The following CUL2 variants were observed in gnomAD, a reference collection of about 807,000 sequenced individuals.
CUL2 encodes cullin 2, also known as cullin-2.
Under a neutral mutation model 110.2 loss-of-function variants are expected in CUL2, and 22 were observed. The observed-to-expected ratio is 0.20, with a 90% CI of 0.14 to 0.28. CUL2 has a LOEUF of 0.28. Ranked by LOEUF, CUL2 falls within the 10% of genes least tolerant of loss-of-function variation. The pLI is 1.00. For synonymous variants in CUL2, 279 were observed against 293.2 expected (o/e 0.95, Z 0.49); for missense variants, 631 against 905.5 (o/e 0.70, Z 3.89).
At chr10:35,059,218 C>G (rs1417810309) in intron 4 of CUL2, among the ~76,000 whole-genome samples, 1 of 152,188 alleles carries the variant, frequency 6.6e-6, no homozygotes, top group Non-Finnish European at 1.5e-5. Flanking sequence ...ACTCCAATTT[C>G]GTAAGAATTT....
intron 8 of CUL2, 23 bp downstream of exon 8, chr10:35,044,543 A>G (rs748280473): frequency 7.3e-7 from 1 of 1,362,506 alleles, no homozygotes; most frequent in East Asian, 2.3e-5. Context: ...AGATAAATGT[A>G]TTCGATATGT....
chr10:35,017,028 A>T (rs1404510149), intron 17 of CUL2, among the ~76,000 whole-genome samples: 1 of 151,916 alleles, frequency 6.6e-6, no homozygotes, highest in Non-Finnish European at 1.5e-5. Flanking sequence ...CAATAAAAGG[A>T]GGTGGGAGAA....
chr10:35,106,026 T>C (rs2087450946), intron 1 of CUL2, among the ~76,000 whole-genome samples: 2 of 152,140 alleles, frequency 1.3e-5, no homozygotes, highest in African/African-American at 4.8e-5. Flanking sequence ...GTAGGTGCTA[T>C]AGAAAAAATG....
intron 2 of CUL2, among the ~76,000 whole-genome samples, chr10:35,066,480 A>G (rs2134959500): frequency 6.6e-6 from 1 of 150,584 alleles, no homozygotes; most frequent in Non-Finnish European, 1.5e-5. Flanking sequence ...TTGTATTTTT[A>G]GTAAAGATGG....
intron 6 of CUL2, among the ~76,000 whole-genome samples, chr10:35,045,896 TTAA>T (rs925514748): frequency 1.1e-4 from 17 of 152,312 alleles, no homozygotes; most frequent in African/African-American, 3.4e-4. Flanking sequence ...CTTCTTTGCA[TTAA>T]TAATGTCACA....
chr10:35,032,566 T>C (rs1451359536), intron 11 of CUL2, 72 bp from the exon 12 acceptor site: 4 of 1,189,902 alleles, frequency 3.4e-6, no homozygotes, highest in Admixed American at 2.6e-5. Flanking sequence ...ATATAAGCCA[T>C]AATCTGTACA....
At chr10:35,015,696 T>A (rs1311826218) in intron 18 of CUL2, among the ~76,000 whole-genome samples, 1 of 152,190 alleles carries the variant, frequency 6.6e-6, no homozygotes, top group Non-Finnish European at 1.5e-5. Context: ...GTTATTCTTG[T>A]GACAGATATT....
intron 1 of CUL2, among the ~76,000 whole-genome samples, chr10:35,075,188 A>G (rs1431914593): frequency 6.6e-6 from 1 of 152,222 alleles, no homozygotes; most frequent in Non-Finnish European, 1.5e-5. Flanking sequence ...TGCAAGAAGC[A>G]CCAGCCTCGT....
At chr10:35,114,629 C>T (rs2135135933) in intron 1 of CUL2, among the ~76,000 whole-genome samples, 1 of 152,170 alleles carries the variant, frequency 6.6e-6, no homozygotes, top group African/African-American at 2.4e-5. Flanking sequence ...GATCTGTCCG[C>T]CTCGGCCTCC....
chr10:35,014,621 T>C (rs1410459288), intron 18 of CUL2, among the ~76,000 whole-genome samples: 2 of 151,848 alleles, frequency 1.3e-5, no homozygotes, highest in African/African-American at 4.8e-5. Flanking sequence ...TTACTTGAGC[T>C]CAGGAGTTTG....
At chr10:35,082,353 A>G (rs1188394570) in intron 1 of CUL2, among the ~76,000 whole-genome samples, 3 of 152,252 alleles carry the variant, frequency 2.0e-5, no homozygotes, top group Non-Finnish European at 2.9e-5. Context: ...GGGCAAATTC[A>G]TAAAGACAGA....
intron 17 of CUL2, among the ~76,000 whole-genome samples, chr10:35,021,390 T>C (rs1038051865): frequency 6.6e-6 from 1 of 151,920 alleles, no homozygotes; most frequent in Non-Finnish European, 1.5e-5. Context: ...TCTTATTTTC[T>C]GCACACTGCT....
chr10:35,062,401 G>T (rs2134930505), intron 3 of CUL2, among the ~76,000 whole-genome samples: 1 of 152,216 alleles, frequency 6.6e-6, no homozygotes, highest in Non-Finnish European at 1.5e-5. Context: ...GGGAAAATTT[G>T]GCTGTATAAA....
In CUL2 at chr10:35,113,534, C is replaced by T. The variant is rs568082271; in HGVS notation, c.-50-12474G>A. 1.4e-4 allele frequency among the ~76,000 whole-genome samples: 19 copies of T among 131,846 alleles called. No homozygotes were observed. The South Asian group carries it at 2.8e-3, about 19-fold the overall frequency. The allele number at this position is 131,846 out of a possible 152,430, so 86.5% of individuals were successfully genotyped here. Reference sequence around the variant, plus strand: ...AAAAAAAAAAAAAAAAAAAAAATTCCGCAAGATCCAGTAACTAGCAATGTG... The same window carrying T: ...AAAAAAAAAAAAAAAAAAAAAATTCTGCAAGATCCAGTAACTAGCAATGTG... On this transcript the variant is annotated intron_variant, in intron 1 of 5. Transcript: ENST00000685421.
rs189797283 is a variant in CUL2 at position 35,075,726 on chromosome 10, T to C, written c.-22-4387A>G. 2.0e-5 allele frequency among the ~76,000 whole-genome samples: 3 copies of C among 152,214 alleles called. No homozygotes were observed. In the East Asian group the frequency reaches 5.8e-4, roughly 29 times the overall value. On this transcript the variant is annotated intron_variant, in intron 1 of 20. Transcript: ENST00000374749. ...AAAAATTGCAAAATAAAAATTTATA[T>C]TTAATTACCTGTTTCCAGAAAACAT...
Position 35,029,641 on chromosome 10 carries a change from C to A in CUL2, c.1387-1G>T, listed in dbSNP as rs2085432450. The A allele has an allele frequency of 6.4e-7, 1 of 1,574,350 alleles. No individual in the cohort carries two copies. The highest frequency in any genetic ancestry group is 1.4e-5 in the African/African-American group (1 of 72,212). On this transcript the variant is annotated splice_acceptor_variant, in intron 14 of 20. Coordinates refer to ENST00000374749, the MANE Select transcript of CUL2 (RefSeq NM_003591.4). LOFTEE classifies it high-confidence loss of function. The stretch of plus-strand genomic sequence containing the variant: ...TGGTAAACTCATAACCACAGGCTTG[C>A]TATAAAAAAGTTTTAGAAAATACAT...
intron 16 of CUL2, among the ~76,000 whole-genome samples, chr10:35,025,857 A>G (rs916920922): frequency 6.6e-5 from 10 of 152,234 alleles, no homozygotes; most frequent in Admixed American, 5.9e-4. Context: ...TAAAAACTCA[A>G]TTTCTTTATA....
In CUL2 at chr10:35,103,290, C is replaced by T. The variant is rs140086156; in HGVS notation, c.-50-2230G>A. 7.1e-3 allele frequency among the ~76,000 whole-genome samples: 1,056 copies of T among 148,522 alleles called. 24 individuals carry two copies. The East Asian group carries it at 0.086, about 12-fold the overall frequency. On this transcript the variant is annotated intron_variant, in intron 1 of 5. Coordinates refer to the CUL2 transcript ENST00000685421. ...CCTGAGTAGCTGGGACACAGGCGCCCGCCACCAGGCCAAGCTAATTTTTTT... is the reference window on the plus strand; with the variant it reads ...CCTGAGTAGCTGGGACACAGGCGCCTGCCACCAGGCCAAGCTAATTTTTTT...
intron 1 of CUL2, among the ~76,000 whole-genome samples, chr10:35,115,886 T>C (rs2087589846): frequency 6.6e-6 from 1 of 151,518 alleles, no homozygotes; most frequent in South Asian, 2.1e-4. Context: ...AAGTGAGACC[T>C]GGTCTCAAAA....
Sources: gnomAD v4.1 joint callset for allele counts (sites outside exome capture counted in the v4.1 genomes callset) on GRCh38, gnomAD v4.1.1 for gene constraint, MANE v1.5 for transcripts, NCBI Gene and HGNC (gene_info 2026-07-23, HGNC 2026-07-21) for gene names.